DOCK5: variants seen among roughly 807,000 people sequenced by gnomAD.
DOCK5 encodes dedicator of cytokinesis protein 5.
Under a neutral mutation model 251.8 loss-of-function variants are expected in DOCK5, and 142 were observed. The ratio of observed to expected loss-of-function variants is 0.56; its 90% CI spans 0.49 to 0.65. The LOEUF (loss-of-function observed/expected upper bound fraction) is 0.65, where lower values mean the gene tolerates loss of function less well. DOCK5 is among the 30% of genes least tolerant of loss of function. The pLI, the probability that DOCK5 is intolerant of heterozygous loss-of-function variation, is 0.00. For synonymous variants in DOCK5, 842 were observed against 835.5 expected (o/e 1.01, Z -0.13); for missense variants, 2,111 against 2,312.3 (o/e 0.91, Z 1.79).
chr8:25,316,896 A>G, intron 13 of DOCK5, 111 bp from the exon 14 acceptor site: 1 of 1,334,460 alleles, frequency 7.5e-7, no homozygotes, highest in Non-Finnish European at 1.0e-6. Context: ...TGAGTAGTTC[A>G]GTATAAAACC....
rs915918273 is a variant in DOCK5, at chr8:25,372,606, A to C, written c.3572A>C (p.Glu1191Ala). The change falls in exon 35 of 52, where the codon GAG (glutamate) becomes GCG (alanine). Residue 1191 changes from glutamate to alanine, a missense_variant. Coordinates refer to ENST00000276440, the MANE Select transcript of DOCK5 (RefSeq NM_024940.8). ...RKHKYLSSSG[E>A]VFALLVSSLL... ...CACAAATACCTCTCCAGCTCTGGGG[A>C]GGTCTTCGCCCTCCTGGTCAGCAGC... The C allele has an allele frequency of 6.2e-7, 1 of 1,601,838 alleles. No individual in the cohort carries two copies. Among genetic ancestry groups the C allele is most frequent in the African/African-American group, 1.3e-5 (1 of 74,256 alleles).
chr8:25,364,657 G>A lies in DOCK5; in HGVS notation c.3076G>A (p.Glu1026Lys). ...TCTCCGTGCTATAAATCAGTTTGCT[G>A]AAGTTCTCACAAGATTCTTCATGGA... ...VFLRAINQFA[E>K]VLTRFFMDQA... Residue 1026 changes from glutamate (E) to lysine (K), a missense_variant, in exon 30 of 52, where the codon GAA (glutamate) becomes AAA (lysine). Physicochemically the swap from Glu to Lys is moderately conservative, Grantham distance 56. Around this residue, in one of 3 missense-constraint regions of DOCK5, gnomAD observed 1,717 missense variants for 1,892.4 expected, o/e 0.91. Transcript: ENST00000276440. 1.2e-6 allele frequency: 2 copies of A among 1,601,496 alleles called. No homozygotes were observed. The highest frequency in any genetic ancestry group is 1.7e-6 in the Non-Finnish European group (2 of 1,172,730).
At chr8:25,194,658 G>A (rs1432095974) in intron 1 of DOCK5, among the ~76,000 whole-genome samples, 2 of 152,076 alleles carry the variant, frequency 1.3e-5, no homozygotes, top group Admixed American at 6.6e-5. Flanking sequence ...TGTTCACTGG[G>A]CGTCTCCCAG....
chr8:25,272,879 G>T (rs116519596), intron 3 of DOCK5, among the ~76,000 whole-genome samples: 1 of 151,582 alleles, frequency 6.6e-6, no homozygotes, highest in Admixed American at 6.6e-5. Context: ...CCTATCCCCC[G>T]CAAGCCCCTC....
At chr8:25,269,991 A>G (rs1803864329) in intron 3 of DOCK5, among the ~76,000 whole-genome samples, 1 of 152,234 alleles carries the variant, frequency 6.6e-6, no homozygotes, top group South Asian at 2.1e-4. Context: ...GGTATAGTTC[A>G]TTAGAAACCA....
intron 37 of DOCK5, chr8:25,376,508 C>T (rs1800966553): frequency 2.3e-6 from 1 of 439,712 alleles, no homozygotes; most frequent in Non-Finnish European, 3.0e-6. Context: ...TGTTTTATGA[C>T]CTGGTAGTTA....
At chr8:25,280,349 A>T (rs940241461) in intron 5 of DOCK5, among the ~76,000 whole-genome samples, 1 of 152,228 alleles carries the variant, frequency 6.6e-6, no homozygotes, top group Non-Finnish European at 1.5e-5. Flanking sequence ...AATCTTAATA[A>T]GTTACTGGGA....
intron 38 of DOCK5, among the ~76,000 whole-genome samples, chr8:25,379,617 C>G (rs1051214263): frequency 2.0e-5 from 3 of 152,034 alleles, no homozygotes; most frequent in African/African-American, 7.3e-5. Flanking sequence ...CCTGAGGTGA[C>G]GTACATCCTC....
At chr8:25,293,609 G>C (rs540345303) in intron 6 of DOCK5, among the ~76,000 whole-genome samples, 1 of 152,254 alleles carries the variant, frequency 6.6e-6, no homozygotes, top group African/African-American at 2.4e-5. Flanking sequence ...TGCCTTCTTA[G>C]GGTTAAGAAT....
intron 2 of DOCK5, among the ~76,000 whole-genome samples, chr8:25,254,802 A>AAAC (rs1803374909): frequency 6.7e-6 from 1 of 148,486 alleles, no homozygotes; most frequent in Non-Finnish European, 1.5e-5. Context: ...ACAAAAAAAA[A>AAAC]AAACATTTGA....
At chr8:25,240,114 C>G (rs983241486) in intron 1 of DOCK5, among the ~76,000 whole-genome samples, 8 of 152,122 alleles carry the variant, frequency 5.3e-5, no homozygotes, top group Non-Finnish European at 1.2e-4. Context: ...ACTATCCATT[C>G]ATCAGTGTGG....
chr8:25,325,321 G>C (rs772597170), intron 17 of DOCK5, 43 bp from the exon 18 acceptor site: 3 of 1,592,418 alleles, frequency 1.9e-6, no homozygotes, highest in Admixed American at 3.5e-5. Flanking sequence ...GCATATAAGA[G>C]ATTTTGGCCA....
intron 40 of DOCK5, among the ~76,000 whole-genome samples, chr8:25,384,511 G>C (rs1801130142): frequency 6.9e-6 from 1 of 144,850 alleles, no homozygotes; most frequent in Non-Finnish European, 1.5e-5. Flanking sequence ...CCAGGATGAA[G>C]TGCAGTGGTG....
In DOCK5 at chr8:25,332,650, G is replaced by A. The variant is rs1805709797; in HGVS notation, c.2049G>A (p.Met683Ile). ...CACTCTTTAACATAATGATGGAAAT[G>A]TCAGACAGTGAAACCTATGACTTCC... The part of the protein sequence containing the change: ...LDALFNIMME[M>I]SDSETYDFLV... Residue 683 changes from methionine (M) to isoleucine (I), a missense_variant, in exon 20 of 52, where the codon ATG (methionine) becomes ATA (isoleucine). Transcript: ENST00000276440. 6.8e-6 allele frequency: 11 copies of A among 1,612,548 alleles called. No homozygotes were observed. The highest frequency in any genetic ancestry group is 1.3e-5 in the African/African-American group (1 of 74,878).
intron 48 of DOCK5, among the ~76,000 whole-genome samples, chr8:25,406,575 G>C (rs968596927): frequency 2.0e-5 from 3 of 151,892 alleles, no homozygotes; most frequent in African/African-American, 7.3e-5. Context: ...GTACTTTGCT[G>C]TTCTTTCTTA....
intron 1 of DOCK5, among the ~76,000 whole-genome samples, chr8:25,229,659 G>C (rs188102557): frequency 6.6e-4 from 100 of 152,042 alleles, no homozygotes; most frequent in Non-Finnish European, 6.8e-4. Flanking sequence ...AATTTTATTT[G>C]GTTGCTTACA....
chr8:25,338,077 T>C (rs1269018310), intron 22 of DOCK5, among the ~76,000 whole-genome samples: 2 of 152,130 alleles, frequency 1.3e-5, no homozygotes, highest in East Asian at 3.9e-4. Context: ...AGGGTCTGGC[T>C]CTGTCACCCA....
chr8:25,372,853 C>T (rs1362363796), intron 35 of DOCK5, 135 bp downstream of exon 35: 2 of 812,316 alleles, frequency 2.5e-6, no homozygotes, highest in East Asian at 6.4e-5. Context: ...CTTCCTAAGT[C>T]TAATTGGAAT....
rs145331060 is a variant in DOCK5 at position 25,298,058 on chromosome 8, TAA to T, written c.607-867_607-866del. On this transcript the variant is annotated intron_variant, in intron 7 of 51. Transcript: ENST00000276440. ...GGCAACAAAGCAAGACCCTGCCTCT[TAA>T]AAAAAAAAAAAAAAAAAACTTACTC... Among the ~76,000 whole-genome samples, 353 of 125,884 alleles carry T rather than the reference TAA, an allele frequency of 2.8e-3. 1 individual carries two copies. Among genetic ancestry groups the T allele is most frequent in the African/African-American group, 8.6e-3 (299 of 34,772 alleles). 82.6% of individuals were successfully genotyped at this position (125,884 alleles called of 152,430 possible).
Sources: gnomAD v4.1 joint callset for allele counts (sites outside exome capture counted in the v4.1 genomes callset) on GRCh38, gnomAD v4.1.1 for gene constraint, gnomAD v4.1.1 regional missense constraint, MANE v1.5 for transcripts, NCBI Gene and HGNC (gene_info 2026-07-23, HGNC 2026-07-21) for gene names.